NPFFR1: variants seen among roughly 807,000 people sequenced by gnomAD.
NPFFR1 encodes the protein G-protein coupled receptor 147.
A neutral mutation model predicts 12.7 loss-of-function variants in NPFFR1; 17 were observed. The observed-to-expected ratio is 1.34, with a 90% confidence interval of 0.92 to 2.01. The LOEUF (loss-of-function observed/expected upper bound fraction) is 2.01, where lower values mean the gene tolerates loss of function less well. Ranked by LOEUF, NPFFR1 falls within the 30% of genes most tolerant of loss-of-function variation. The pLI, the probability that NPFFR1 is intolerant of heterozygous loss-of-function variation, is 0.00. For missense variants in NPFFR1, 604 were observed against 606.5 expected, an observed-to-expected ratio of 1.00 and a Z score of 0.04; for synonymous variants, 296 against 264.5, an observed-to-expected ratio of 1.12 and a Z score of -1.16.
intron 2 of NPFFR1, among the ~76,000 whole-genome samples, chr10:70,262,844 T>G (rs1052329149): frequency 6.6e-6 from 1 of 152,284 alleles, no homozygotes; most frequent in South Asian, 2.1e-4. Context: ...CCAATACCCA[T>G]GAGCACACCT....
chr10:70,280,859 A>G (rs1412154967), intron 1 of NPFFR1, among the ~76,000 whole-genome samples: 2 of 152,082 alleles, frequency 1.3e-5, no homozygotes, highest in Non-Finnish European at 2.9e-5. Context: ...AAAATTAGCC[A>G]GGCATGATGG....
intron 1 of NPFFR1, among the ~76,000 whole-genome samples, chr10:70,276,987 A>C (rs1268023883): frequency 1.3e-5 from 2 of 152,158 alleles, no homozygotes; most frequent in Non-Finnish European, 2.9e-5. Context: ...GCTTACATAG[A>C]CCGCCTGGCT....
At chr10:70,262,426 G>C (rs1347381235) in intron 2 of NPFFR1, among the ~76,000 whole-genome samples, 2 of 152,168 alleles carry the variant, frequency 1.3e-5, no homozygotes, top group Non-Finnish European at 2.9e-5. Context: ...AAAAAGAACT[G>C]TATACAAATT....
chr10:70,257,958 G>T (rs118068515), intron 3 of NPFFR1, among the ~76,000 whole-genome samples: 9,689 of 152,050 alleles, frequency 0.064, 440 homozygotes, highest in East Asian at 0.15. Flanking sequence ...ATTGCTCACA[G>T]GTTTGTTACT....
At chr10:70,258,039 A>G (rs540468699) in intron 3 of NPFFR1, among the ~76,000 whole-genome samples, 1 of 152,254 alleles carries the variant, frequency 6.6e-6, no homozygotes, top group East Asian at 1.9e-4. Flanking sequence ...AATAATAATA[A>G]ATAAAAACTG....
At chr10:70,282,878 C>T (rs142046948) in intron 1 of NPFFR1, among the ~76,000 whole-genome samples, 32 of 152,222 alleles carry the variant, frequency 2.1e-4, no homozygotes, top group Non-Finnish European at 3.1e-4. Context: ...TGCCTTGGTC[C>T]GCTATCCCTT....
At chr10:70,262,008 A>G (rs1398920038) in intron 2 of NPFFR1, among the ~76,000 whole-genome samples, 1 of 152,232 alleles carries the variant, frequency 6.6e-6, no homozygotes, top group Non-Finnish European at 1.5e-5. Flanking sequence ...AAGAAAATAT[A>G]TGGTTATTTT....
chr10:70,266,067 C>G lies in NPFFR1; in HGVS notation c.322+10G>C. On this transcript the variant is annotated intron_variant, in intron 2 of 3. Coordinates refer to ENST00000277942, the MANE Select transcript of NPFFR1 (RefSeq NM_022146.5). ...AGGGGACACTCCTGCTGCCAACTGCCCGCACTCACCAGTGATGAGGTTGTC... is the reference window on the plus strand; with the variant it reads ...AGGGGACACTCCTGCTGCCAACTGCGCGCACTCACCAGTGATGAGGTTGTC... 6.2e-7 allele frequency: 1 copy of G among 1,611,446 alleles called. No individual in the cohort carries two copies. The highest frequency in any genetic ancestry group is 8.5e-7 in the Non-Finnish European group (1 of 1,178,400).
chr10:70,269,773 C>T (rs1488409714), intron 1 of NPFFR1, among the ~76,000 whole-genome samples: 1 of 152,028 alleles, frequency 6.6e-6, no homozygotes, highest in Admixed American at 6.6e-5. Flanking sequence ...AGCCTCCCAA[C>T]CCTCATTGCA....
rs1260802392 is a variant in NPFFR1 at position 70,254,804 on chromosome 10, GA to G, written c.*152del. ...GCCTCTACTGAGGGTGAAGGCAGCA[GA>G]GAAGACATCACCAGCAGCTGCCCAC... On this transcript the variant is annotated 3_prime_UTR_variant, in exon 4 of 4. Coordinates refer to ENST00000277942, the MANE Select transcript of NPFFR1 (RefSeq NM_022146.5). 3.3e-6 allele frequency: 3 copies of G among 918,004 alleles called. No individual in the cohort carries two copies. The highest frequency in any genetic ancestry group is 4.4e-6 in the Non-Finnish European group (3 of 682,760). 56.9% of individuals were successfully genotyped at this position (918,004 alleles called of 1,614,324 possible).
At chr10:70,265,998 A>G in intron 2 of NPFFR1, 79 bp downstream of exon 2, 1 of 1,355,466 alleles carries the variant, frequency 7.4e-7, no homozygotes, top group Non-Finnish European at 1.0e-6. Context: ...TCTGTCTTCT[A>G]AGCTTTGATT....
intron 1 of NPFFR1, among the ~76,000 whole-genome samples, chr10:70,269,281 T>C (rs1478873919): frequency 6.6e-6 from 1 of 151,984 alleles, no homozygotes; most frequent in African/African-American, 2.4e-5. Flanking sequence ...CTCGGCCTCC[T>C]GAGTAGCCGG....
chr10:70,275,985 G>A (rs1254328622), intron 1 of NPFFR1, among the ~76,000 whole-genome samples: 1 of 152,120 alleles, frequency 6.6e-6, no homozygotes, highest in Non-Finnish European at 1.5e-5. Context: ...AAGCCAGGAC[G>A]CCTGTTCTGA....
chr10:70,262,531 G>C (rs1491003599), intron 2 of NPFFR1, among the ~76,000 whole-genome samples: 1 of 152,138 alleles, frequency 6.6e-6, no homozygotes, highest in East Asian at 1.9e-4. Flanking sequence ...AATCACAGAA[G>C]TATGTTAGCA....
At chr10:70,264,731 C>G (rs150623224) in intron 2 of NPFFR1, among the ~76,000 whole-genome samples, 99 of 152,304 alleles carry the variant, frequency 6.5e-4, no homozygotes, top group African/African-American at 2.2e-3. Context: ...ACTGGCAACA[C>G]TGGTTGCCTC....
rs1840538364 is a variant in NPFFR1, at chr10:70,254,121, G to A, written c.*836C>T. 1 of 152,214 alleles carries A rather than the reference G, an allele frequency of 6.6e-6. No individual in the cohort carries two copies. The highest frequency in any genetic ancestry group is 1.5e-5 in the Non-Finnish European group (1 of 68,068). The allele number at this position is 152,214 out of a possible 1,614,324, so 9.4% of individuals were successfully genotyped here. A position where few individuals can be genotyped will look rare whatever the true frequency, so the allele number is the denominator to read the frequency against. ...GCTTCCCCTTCCTCGTTGTCTATGA[G>A]TACGTAAAAGGACACCTCCTGTGGC... On this transcript the variant is annotated 3_prime_UTR_variant, in exon 4 of 4. Coordinates refer to ENST00000277942, the MANE Select transcript of NPFFR1 (RefSeq NM_022146.5).
chr10:70,283,530 T>C lies in NPFFR1; in HGVS notation c.7+140A>G. 7 of 866,674 alleles carry C rather than the reference T, an allele frequency of 8.1e-6. No homozygotes were observed. The South Asian group carries it at 8.5e-5, about 11-fold the overall frequency. 53.7% of individuals were successfully genotyped at this position (866,674 alleles called of 1,614,324 possible). A position where few individuals can be genotyped will look rare whatever the true frequency, so the allele number is the denominator to read the frequency against. ...CTCCCTCACTCAGTGTCTCTGTCTC[T>C]GTCACACACAGAGTGTCACAACGTC... On this transcript the variant is annotated intron_variant, in intron 1 of 3. Transcript: ENST00000277942.
chr10:70,264,994 G>A (rs1042504350), intron 2 of NPFFR1, among the ~76,000 whole-genome samples: 5 of 152,226 alleles, frequency 3.3e-5, no homozygotes, highest in Admixed American at 6.5e-5. Context: ...GTGTGCCTGA[G>A]TACACGTGTG....
chr10:70,276,767 A>T (rs1401330670), intron 1 of NPFFR1, among the ~76,000 whole-genome samples: 1 of 151,972 alleles, frequency 6.6e-6, no homozygotes, highest in Non-Finnish European at 1.5e-5. Context: ...TTGTATTTTT[A>T]GTAGAGACGG....
Sources: allele counts gnomAD v4.1 joint callset (sites outside exome capture counted in the v4.1 genomes callset), GRCh38; gene constraint gnomAD v4.1.1; transcripts MANE v1.5; gene names NCBI Gene and HGNC (gene_info 2026-07-23, HGNC 2026-07-21).